Variants in SOX6 observed in about 807,000 individuals in gnomAD.
The protein encoded by SOX6 is transcription factor SOX-6.
A neutral mutation model predicts 97.8 loss-of-function variants in SOX6; 11 were observed. The observed-to-expected ratio is 0.11, with a 90% CI of 0.07 to 0.19. The LOEUF (loss-of-function observed/expected upper bound fraction) is 0.19, where lower values mean the gene tolerates loss of function less well. SOX6 is among the 10% of genes least tolerant of loss of function. SOX6 has a pLI of 1.00. For missense variants in SOX6, 810 were observed against 1,039.5 expected, an observed-to-expected ratio of 0.78 and a Z score of 3.04; for synonymous variants, 360 against 371.4, an observed-to-expected ratio of 0.97 and a Z score of 0.35.
intron 4 of SOX6, among the ~76,000 whole-genome samples, chr11:16,520,679 G>T (rs1392291138): frequency 6.6e-6 from 1 of 152,248 alleles, no homozygotes; most frequent in Non-Finnish European, 1.5e-5. Flanking sequence ...GCGAGGCATG[G>T]CCTCACTCGG....
chr11:16,504,278 AC>A (rs1324329649), intron 4 of SOX6, among the ~76,000 whole-genome samples: 1 of 152,094 alleles, frequency 6.6e-6, no homozygotes, highest in African/African-American at 2.4e-5. Flanking sequence ...TAAAAGGCAT[AC>A]AAATTGGAAA....
chr11:16,665,743 GGCTGTGC>G (rs1847802476), intron 3 of SOX6, among the ~76,000 whole-genome samples: 2 of 152,180 alleles, frequency 1.3e-5, no homozygotes, highest in Admixed American at 6.5e-5. Flanking sequence ...CAAGACCCAG[GGCTGTGC>G]TAGCTTTAGG....
chr11:16,455,207 T>C (rs2133100409), intron 1 of SOX6, among the ~76,000 whole-genome samples: 1 of 152,160 alleles, frequency 6.6e-6, no homozygotes, highest in South Asian at 2.1e-4. Context: ...ATTTGATTTC[T>C]TTACTTCCTT....
chr11:16,204,340 G>A (rs1421798171), intron 4 of SOX6, among the ~76,000 whole-genome samples: 1 of 152,054 alleles, frequency 6.6e-6, no homozygotes, highest in East Asian at 1.9e-4. Context: ...GCAACAGTGT[G>A]CTTATTTTCC....
chr11:16,415,713 T>C (rs1858912401), intron 1 of SOX6, among the ~76,000 whole-genome samples: 1 of 152,138 alleles, frequency 6.6e-6, no homozygotes, highest in Admixed American at 6.6e-5. Flanking sequence ...AAAAATTATA[T>C]GCACAAAGAA....
chr11:16,378,639 T>C (rs966899619), intron 1 of SOX6, among the ~76,000 whole-genome samples: 1 of 151,688 alleles, frequency 6.6e-6, no homozygotes, highest in Admixed American at 6.6e-5. Context: ...ATTAGGAAAA[T>C]TAAAGGTAAA....
intron 4 of SOX6, among the ~76,000 whole-genome samples, chr11:16,523,985 T>C (rs914252267): frequency 6.6e-6 from 1 of 152,190 alleles, no homozygotes; most frequent in Admixed American, 6.5e-5. Context: ...ATTGTGGCAA[T>C]AATCAATAGC....
In SOX6 at chr11:16,047,128, T is replaced by C. The variant is rs570078218; in HGVS notation, c.1436-427A>G. 9.2e-5 allele frequency among the ~76,000 whole-genome samples: 14 copies of C among 152,248 alleles called. No homozygotes were observed. In the East Asian group the frequency reaches 2.7e-3, roughly 29 times the overall value. On this transcript the variant is annotated intron_variant, in intron 11 of 15. Transcript: ENST00000683767. ...TCCAGGCTACCCATTATAGTTGCTG[T>C]GATAATACAACACAGTCATTTCTGG...
At chr11:16,385,099 T>C (rs1198743214) in intron 1 of SOX6, among the ~76,000 whole-genome samples, 1 of 152,098 alleles carries the variant, frequency 6.6e-6, no homozygotes, top group Non-Finnish European at 1.5e-5. Flanking sequence ...ACTGTTGTTA[T>C]TATTATCAGA....
chr11:16,704,103 G>T (rs982809250), intron 3 of SOX6, among the ~76,000 whole-genome samples: 12 of 152,138 alleles, frequency 7.9e-5, no homozygotes, highest in African/African-American at 2.9e-4. Context: ...AAACACATAT[G>T]CTTCCTTTTT....
chr11:16,592,376 A>G (rs532910355), intron 4 of SOX6, among the ~76,000 whole-genome samples: 1 of 150,458 alleles, frequency 6.6e-6, no homozygotes, highest in South Asian at 2.1e-4. Flanking sequence ...GGTACTGAAA[A>G]TGTTTCCTAC....
At chr11:16,594,059 T>C (rs1012183858) in intron 4 of SOX6, among the ~76,000 whole-genome samples, 3 of 152,288 alleles carry the variant, frequency 2.0e-5, no homozygotes, top group Admixed American at 1.3e-4. Context: ...CAGCTAATTA[T>C]GAATGCTTTG....
At chr11:16,248,399 C>G (rs1006340543) in intron 3 of SOX6, among the ~76,000 whole-genome samples, 2 of 152,172 alleles carry the variant, frequency 1.3e-5, no homozygotes, top group Non-Finnish European at 2.9e-5. Context: ...CCACACTGCC[C>G]TATCAGAGGT....
chr11:16,546,747 A>T (rs1209267849), intron 4 of SOX6, among the ~76,000 whole-genome samples: 4 of 152,200 alleles, frequency 2.6e-5, no homozygotes, highest in African/African-American at 7.2e-5. Context: ...CAACAAAAAC[A>T]AAAGTAGACA....
intron 3 of SOX6, among the ~76,000 whole-genome samples, chr11:16,286,374 A>T (rs1172592677): frequency 6.6e-6 from 1 of 152,126 alleles, no homozygotes; most frequent in Non-Finnish European, 1.5e-5. Context: ...AGTACATATC[A>T]AGAAGAAGAG....
In SOX6 at chr11:16,484,739, G is replaced by A. The variant is rs150797611; in HGVS notation, n.610-8351C>T. On this transcript the variant is annotated intron_variant and non_coding_transcript_variant, in intron 4 of 5. Coordinates refer to the SOX6 transcript ENST00000524520. ...TTCAGTCCAAGATAAATCTTTTAAA[G>A]CAATGAAATAAGTTGCATCATCAAA... The A allele has an allele frequency of 8.1e-4, 376 of 466,476 alleles. 1 individual carries two copies. Among genetic ancestry groups the A allele is most frequent in the East Asian group, 5.7e-3 (150 of 26,544 alleles). 28.9% of individuals were successfully genotyped at this position (466,476 alleles called of 1,614,324 possible). A position where few individuals can be genotyped will look rare whatever the true frequency, so the allele number is the denominator to read the frequency against.
intron 3 of SOX6, among the ~76,000 whole-genome samples, chr11:16,641,274 C>T (rs1393015465): frequency 6.6e-6 from 1 of 152,164 alleles, no homozygotes; most frequent in Admixed American, 6.6e-5. Context: ...GTCTGAGAGA[C>T]AGTTTGTTTT....
upstream of SOX6, among the ~76,000 whole-genome samples, chr11:16,361,086 T>C (rs1857201549): frequency 6.6e-6 from 1 of 152,120 alleles, no homozygotes; most frequent in Non-Finnish European, 1.5e-5. Context: ...GGAGACTTTA[T>C]ATATATTCAA....
At chr11:16,252,301 G>C (rs1853538559) in intron 3 of SOX6, 1 of 152,250 alleles carries the variant, frequency 6.6e-6, no homozygotes, top group Admixed American at 6.6e-5. Flanking sequence ...TCAGAGAAGT[G>C]AGGTCACCCA....
Sources: allele counts gnomAD v4.1 joint callset (sites outside exome capture counted in the v4.1 genomes callset), GRCh38; gene constraint gnomAD v4.1.1; transcripts MANE v1.5; gene names NCBI Gene and HGNC (gene_info 2026-07-23, HGNC 2026-07-21).